Variants in PACRG observed in about 807,000 individuals in gnomAD.
The protein encoded by PACRG is parkin coregulated gene protein.
A neutral mutation model predicts 29.7 loss-of-function variants in PACRG; 29 were observed. The ratio of observed to expected loss-of-function variants is 0.98; its 90% CI spans 0.73 to 1.33. The LOEUF (loss-of-function observed/expected upper bound fraction) is 1.33. Among genes scored for constraint, PACRG ranks in the 40% most tolerant of loss-of-function variants. PACRG has a pLI of 0.00. For synonymous variants in PACRG, 116 were observed against 118.7 expected, an observed-to-expected ratio of 0.98 and a Z score of 0.15; for missense variants, 279 against 316.2, an observed-to-expected ratio of 0.88 and a Z score of 0.89.
At chr6:163,107,475 C>A (rs1815447435) in intron 4 of PACRG, among the ~76,000 whole-genome samples, 1 of 152,144 alleles carries the variant, frequency 6.6e-6, no homozygotes, top group African/African-American at 2.4e-5. Context: ...TGGGCAGAGA[C>A]CCCTGCCTGA....
At chr6:162,760,528 G>A (rs1403400625) in intron 1 of PACRG, among the ~76,000 whole-genome samples, 1 of 152,144 alleles carries the variant, frequency 6.6e-6, no homozygotes, top group Non-Finnish European at 1.5e-5. Flanking sequence ...CAAGAGACTT[G>A]TGAGCCAAAC....
intron 4 of PACRG, among the ~76,000 whole-genome samples, chr6:163,095,818 C>T (rs1316943232): frequency 6.6e-6 from 1 of 152,140 alleles, no homozygotes; most frequent in Admixed American, 6.5e-5. Flanking sequence ...TGGCAATGAC[C>T]CTATTTCCAA....
chr6:162,936,439 T>C (rs1798237909), intron 2 of PACRG, among the ~76,000 whole-genome samples: 1 of 152,220 alleles, frequency 6.6e-6, no homozygotes, highest in South Asian at 2.1e-4. Context: ...TGGTAAGGCT[T>C]AGTGTGTCTC....
At chr6:163,084,389 G>A (rs1308527402) in intron 3 of PACRG, among the ~76,000 whole-genome samples, 1 of 152,110 alleles carries the variant, frequency 6.6e-6, no homozygotes, top group Non-Finnish European at 1.5e-5. Flanking sequence ...AAAGACTTCC[G>A]ACTTCATGGT....
intron 2 of PACRG, among the ~76,000 whole-genome samples, chr6:162,839,478 A>C (rs1789555735): frequency 6.7e-6 from 1 of 148,280 alleles, no homozygotes; most frequent in African/African-American, 2.5e-5. Flanking sequence ...AGTTCATTGT[A>C]GATTCTGGAT....
intron 2 of PACRG, among the ~76,000 whole-genome samples, chr6:162,923,632 T>C (rs1797221317): frequency 6.6e-6 from 1 of 152,152 alleles, no homozygotes; most frequent in East Asian, 1.9e-4. Context: ...CCAATGTATG[T>C]TCTTGGCATC....
At chr6:162,846,378 T>A (rs12529105) in intron 2 of PACRG, among the ~76,000 whole-genome samples, 2,179 of 152,240 alleles carry the variant, frequency 0.014, 22 homozygotes, top group Non-Finnish European at 0.023. Context: ...TTTGTAAAAA[T>A]CTTTAGTGCA....
At chr6:162,816,529 T>G (rs1405940947) in intron 2 of PACRG, among the ~76,000 whole-genome samples, 5 of 152,052 alleles carry the variant, frequency 3.3e-5, no homozygotes, top group Non-Finnish European at 7.4e-5. Flanking sequence ...ATTTTTTGTA[T>G]TTTTAGTAGA....
intron 2 of PACRG, among the ~76,000 whole-genome samples, chr6:162,822,367 G>C (rs1015071627): frequency 2.6e-5 from 4 of 152,284 alleles, no homozygotes; most frequent in Non-Finnish European, 4.4e-5. Context: ...GCCTTTGTGA[G>C]CATGTCATTA....
chr6:163,220,825 C>G (rs1275229281), intron 4 of PACRG, among the ~76,000 whole-genome samples: 1 of 152,170 alleles, frequency 6.6e-6, no homozygotes, highest in Non-Finnish European at 1.5e-5. Flanking sequence ...AGGAACCATC[C>G]TAAGAGCTTA....
At chr6:163,131,743 G>A (rs16894544) in intron 4 of PACRG, among the ~76,000 whole-genome samples, 4,137 of 152,174 alleles carry the variant, frequency 0.027, 88 homozygotes, top group Non-Finnish European at 0.044. Context: ...GGGATCAAAC[G>A]GGCTAAGACG....
At chr6:162,745,123 G>A (rs1780888394) in intron 1 of PACRG, among the ~76,000 whole-genome samples, 1 of 152,068 alleles carries the variant, frequency 6.6e-6, no homozygotes, top group South Asian at 2.1e-4. Context: ...GATTCAGGAA[G>A]ATATATATCA....
At chr6:162,864,539 C>G (rs1792136185) in intron 2 of PACRG, among the ~76,000 whole-genome samples, 1 of 152,158 alleles carries the variant, frequency 6.6e-6, no homozygotes, top group Non-Finnish European at 1.5e-5. Flanking sequence ...ACCTACTTGT[C>G]CATCCATCAA....
At chr6:162,976,644 C>T (rs772985007) in intron 2 of PACRG, among the ~76,000 whole-genome samples, 3 of 152,128 alleles carry the variant, frequency 2.0e-5, no homozygotes, top group Admixed American at 6.6e-5. Flanking sequence ...AAATTTGGAA[C>T]GAGGTACATA....
intron 4 of PACRG, among the ~76,000 whole-genome samples, chr6:163,163,197 A>G (rs1778632734): frequency 6.6e-6 from 1 of 152,100 alleles, no homozygotes; most frequent in African/African-American, 2.4e-5. Context: ...AGGGGTTTTC[A>G]ACTATTGCCA....
intron 1 of PACRG, among the ~76,000 whole-genome samples, chr6:162,779,958 T>C (rs1170303260): frequency 1.3e-5 from 2 of 152,302 alleles, no homozygotes; most frequent in East Asian, 1.9e-4. Flanking sequence ...GGTGGAAGCC[T>C]AGCTGTCTCC....
chr6:163,249,378 A>G (rs899749945), intron 4 of PACRG, among the ~76,000 whole-genome samples: 31 of 152,362 alleles, frequency 2.0e-4, no homozygotes, highest in African/African-American at 5.8e-4. Flanking sequence ...CCAGCCTTTC[A>G]ATATGATTAA....
intron 2 of PACRG, among the ~76,000 whole-genome samples, chr6:163,052,538 G>A (rs1409782328): frequency 6.6e-6 from 1 of 152,140 alleles, no homozygotes; most frequent in African/African-American, 2.4e-5. Flanking sequence ...GGAACCTGGT[G>A]GGAGGTGATT....
chr6:162,816,842 A>G (rs894528710), intron 2 of PACRG, among the ~76,000 whole-genome samples: 1 of 152,202 alleles, frequency 6.6e-6, no homozygotes, highest in African/African-American at 2.4e-5. Flanking sequence ...ACAAAAAACT[A>G]AAAGCAAGAG....
Sources: gnomAD v4.1 joint callset for allele counts (sites outside exome capture counted in the v4.1 genomes callset) on GRCh38, gnomAD v4.1.1 for gene constraint, MANE v1.5 for transcripts, NCBI Gene and HGNC (gene_info 2026-07-23, HGNC 2026-07-21) for gene names.